Variants in ZBBX observed in about 807,000 individuals in gnomAD.
ZBBX encodes zinc finger B-box domain containing, also known as zinc finger B-box domain-containing protein 1.
In ZBBX, 101 loss-of-function variants were observed where a neutral mutation model predicts 108.5. The ratio of observed to expected loss-of-function variants is 0.93; its 90% CI spans 0.79 to 1.10. The LOEUF (loss-of-function observed/expected upper bound fraction) is 1.10. Ranked by LOEUF, ZBBX falls within the 50% of genes least tolerant of loss-of-function variation. The probability of loss-of-function intolerance (pLI) is 0.00; values close to 1 mark genes in which losing one functional copy is unlikely to be tolerated. For missense variants in ZBBX, 1,009 were observed against 941.4 expected, an observed-to-expected ratio of 1.07 and a Z score of -0.94; for synonymous variants, 356 against 323.4, an observed-to-expected ratio of 1.10 and a Z score of -1.08.
At chr3:167,355,570 C>A (rs1191082971) in intron 8 of ZBBX, among the ~76,000 whole-genome samples, 1 of 151,126 alleles carries the variant, frequency 6.6e-6, no homozygotes, top group East Asian at 1.9e-4. Context: ...TATATATATC[C>A]TTTATATATA....
intron 15 of ZBBX, among the ~76,000 whole-genome samples, chr3:167,315,206 T>C (rs1347106427): frequency 2.6e-5 from 4 of 152,192 alleles, no homozygotes; most frequent in Admixed American, 6.5e-5. Context: ...ACAGATACAG[T>C]TAGATATTAT....
At chr3:167,301,952 G>A (rs1161324096) in intron 17 of ZBBX, among the ~76,000 whole-genome samples, 4 of 80,744 alleles carry the variant, frequency 5.0e-5, no homozygotes, top group East Asian at 6.7e-4. Flanking sequence ...GCAAGACTCC[G>A]TTAAAAAAAA....
the ZBBX span, among the ~76,000 whole-genome samples, chr3:167,195,342 T>C: frequency 6.6e-6 from 1 of 152,334 alleles, no homozygotes; most frequent in South Asian, 2.1e-4. Flanking sequence ...AATAAGAAAT[T>C]AGTGTAACTT....
upstream of ZBBX, among the ~76,000 whole-genome samples, chr3:167,382,585 T>C (rs896009677): frequency 6.6e-6 from 1 of 152,136 alleles, no homozygotes; most frequent in Non-Finnish European, 1.5e-5. Context: ...CAGATTTACA[T>C]GACTCATTTT....
intron 19 of ZBBX, among the ~76,000 whole-genome samples, chr3:167,284,206 AATT>A (rs1560071535): frequency 1.3e-5 from 2 of 150,256 alleles, no homozygotes; most frequent in African/African-American, 4.9e-5. Context: ...ATATATATAT[AATT>A]ATCCCTGAGA....
chr3:167,364,121 G>A (rs1442398421), intron 6 of ZBBX, among the ~76,000 whole-genome samples: 2 of 151,482 alleles, frequency 1.3e-5, no homozygotes, highest in Non-Finnish European at 2.9e-5. Context: ...TTGTTGTGGG[G>A]ATTGTCAAGT....
chr3:167,368,996 C>G (rs991456534), intron 4 of ZBBX, among the ~76,000 whole-genome samples: 4 of 152,122 alleles, frequency 2.6e-5, no homozygotes, highest in Admixed American at 6.6e-5. Flanking sequence ...TTTTGCTGAA[C>G]TGGTCACCTC....
intron 20 of ZBBX, among the ~76,000 whole-genome samples, chr3:167,268,483 C>T (rs1725961605): frequency 6.6e-6 from 1 of 151,808 alleles, no homozygotes; most frequent in Admixed American, 6.6e-5. Context: ...ATATACAAGA[C>T]CTAAGGGAGA....
the ZBBX span, among the ~76,000 whole-genome samples, chr3:167,226,492 T>C: frequency 7.9e-5 from 12 of 151,852 alleles, no homozygotes; most frequent in African/African-American, 2.4e-4. Context: ...GAATGGAACA[T>C]TGTTACCACT....
At chr3:167,305,245 G>A (rs1363133378) in intron 17 of ZBBX, among the ~76,000 whole-genome samples, 1 of 152,008 alleles carries the variant, frequency 6.6e-6, no homozygotes, top group Non-Finnish European at 1.5e-5. Context: ...CACAGTAACT[G>A]GTTCTGTCTA....
chr3:167,357,544 T>C (rs1022126697), intron 8 of ZBBX, among the ~76,000 whole-genome samples: 1 of 152,034 alleles, frequency 6.6e-6, no homozygotes, highest in Non-Finnish European at 1.5e-5. Context: ...CTTAAAGAGG[T>C]ATTTGTACAC....
intron 20 of ZBBX, among the ~76,000 whole-genome samples, chr3:167,274,893 T>A (rs1233178205): frequency 6.6e-6 from 1 of 152,216 alleles, no homozygotes; most frequent in African/African-American, 2.4e-5. Flanking sequence ...GTGTCCTTTG[T>A]TCAGTGTGCA....
intron 9 of ZBBX, among the ~76,000 whole-genome samples, chr3:167,345,582 T>TA (rs1374211570): frequency 1.3e-5 from 2 of 151,842 alleles, no homozygotes; most frequent in Non-Finnish European, 2.9e-5. Flanking sequence ...GGAGAACATT[T>TA]ACTTGTCATC....
rs1742440843 is a variant in ZBBX at position 167,350,504 on chromosome 3, T to C, written c.444A>G (p.Glu148=). The C allele has an allele frequency of 1.9e-6, 3 of 1,581,624 alleles. No homozygotes were observed. The East Asian group carries it at 6.8e-5, about 36-fold the overall frequency. ...ENKAALLVCL[E]CGEDYCSGCF... ...ATCCTGAACAATAATCTTCTCCACATTCAAGGCATACCTAAAAAGATATTT... is the reference window on the plus strand; with the variant it reads ...ATCCTGAACAATAATCTTCTCCACACTCAAGGCATACCTAAAAAGATATTT... Residue 148 remains glutamate, a synonymous_variant, in exon 9 of 22, where the codon GAA becomes GAG. Coordinates refer to ENST00000675490, the MANE Select transcript of ZBBX (RefSeq NM_001199201.2).
intron 5 of ZBBX, chr3:167,366,680 G>C (rs1745369125): frequency 2.8e-6 from 1 of 357,514 alleles, no homozygotes; most frequent in South Asian, 2.2e-5. Flanking sequence ...TTTAATATCT[G>C]TGTGACCTCA....
the ZBBX span, among the ~76,000 whole-genome samples, chr3:167,226,095 A>AG: frequency 2.0e-5 from 3 of 151,044 alleles, no homozygotes; most frequent in Admixed American, 2.0e-4. Flanking sequence ...AAAAAAAAAA[A>AG]GAAAAAAAAA....
At chr3:167,249,267 G>A (rs1722147320) in intron 20 of ZBBX, among the ~76,000 whole-genome samples, 1 of 152,172 alleles carries the variant, frequency 6.6e-6, no homozygotes, top group Non-Finnish European at 1.5e-5. Context: ...ATGGCCTGAG[G>A]CCCCATAAGT....
the ZBBX span, among the ~76,000 whole-genome samples, chr3:167,227,848 C>T: frequency 6.6e-6 from 1 of 151,668 alleles, no homozygotes; most frequent in African/African-American, 2.4e-5. Flanking sequence ...TGTAGTCCTG[C>T]CTTGATCTTA....
intron 10 of ZBBX, among the ~76,000 whole-genome samples, chr3:167,329,628 C>A (rs1178310106): frequency 6.6e-6 from 1 of 152,018 alleles, no homozygotes; most frequent in Non-Finnish European, 1.5e-5. Flanking sequence ...AGGCAGCATT[C>A]CAGAGAAAGG....
Sources: allele counts gnomAD v4.1 joint callset (sites outside exome capture counted in the v4.1 genomes callset), GRCh38; gene constraint gnomAD v4.1.1; transcripts MANE v1.5; gene names NCBI Gene and HGNC (gene_info 2026-07-23, HGNC 2026-07-21).